The following OTUD3 variants were observed in gnomAD, a reference collection of about 807,000 sequenced individuals.
The protein encoded by OTUD3 is OTU domain-containing protein 3.
In OTUD3, 24 loss-of-function variants were observed where a neutral mutation model predicts 46.2. The observed-to-expected ratio is 0.52, with a 90% confidence interval of 0.38 to 0.73. The LOEUF is 0.73. OTUD3 is among the 30% of genes least tolerant of loss of function. The pLI, the probability that OTUD3 is intolerant of heterozygous loss-of-function variation, is 0.00. For missense variants in OTUD3, 455 were observed against 523.3 expected (o/e 0.87, Z 1.27); for synonymous variants, 189 against 195.4 (o/e 0.97, Z 0.27).
chr1:19,891,460 T>TGATAAAGTGA (rs1466207372), intron 2 of OTUD3, among the ~76,000 whole-genome samples: 2 of 152,238 alleles, frequency 1.3e-5, no homozygotes, highest in African/African-American at 4.8e-5. Flanking sequence ...GGAGAGAGAC[T>TGATAAAGTGA]GATAAAGGAG....
intron 3 of OTUD3, among the ~76,000 whole-genome samples, chr1:19,895,153 C>T (rs2045502838): frequency 6.6e-6 from 1 of 152,146 alleles, no homozygotes; most frequent in African/African-American, 2.4e-5. Context: ...GTATCCATAT[C>T]CACATATATA....
At chr1:19,889,144 AG>A (rs1297994179) in intron 1 of OTUD3, among the ~76,000 whole-genome samples, 1 of 152,242 alleles carries the variant, frequency 6.6e-6, no homozygotes, top group African/African-American at 2.4e-5. Flanking sequence ...GGTTGAAAAA[AG>A]ACTGCCATTG....
rs12403258 is a variant in OTUD3 at position 19,908,860 on chromosome 1, C to G, written c.*1114C>G. ...TTCAAAGTTGGGAAAACTCCAGCAT[C>G]TGCTGGAAGTTGTTGGACCAGCAGG... On this transcript the variant is annotated 3_prime_UTR_variant, in exon 8 of 8. Coordinates refer to ENST00000375120, the MANE Select transcript of OTUD3 (RefSeq NM_015207.2). The G allele has an allele frequency of 0.027, 4,140 of 152,432 alleles. 166 individuals are homozygous for G. Among genetic ancestry groups the G allele is most frequent in the Admixed American group, 0.091 (1,391 of 15,296 alleles). 9.4% of individuals were successfully genotyped at this position (152,432 alleles called of 1,614,324 possible).
At chr1:19,885,166 C>T (rs953357186) in intron 1 of OTUD3, among the ~76,000 whole-genome samples, 3 of 152,062 alleles carry the variant, frequency 2.0e-5, no homozygotes, top group African/African-American at 7.2e-5. Flanking sequence ...GTAGAAGTAA[C>T]GGGCAGTGAA....
intron 3 of OTUD3, among the ~76,000 whole-genome samples, chr1:19,897,284 G>T (rs546826404): frequency 2.6e-5 from 4 of 152,120 alleles, no homozygotes; most frequent in African/African-American, 9.7e-5. Context: ...TAACTTCATC[G>T]CAAGTCTGCC....
At position 19,908,121 on chromosome 1, in the gene OTUD3, C is replaced by A; in HGVS notation, c.*375C>A. On this transcript the variant is annotated 3_prime_UTR_variant, in exon 8 of 8. Transcript: ENST00000375120. ...TGGGGTGAGTTTTGCTGTAATTGTT[C>A]ATGAGTAGTTTAGAATAATTGTTAG... 1 of 165,444 alleles carries A rather than the reference C, an allele frequency of 6.0e-6. No homozygotes were observed. The highest frequency in any genetic ancestry group is 6.1e-5 in the Admixed American group (1 of 16,330). 10.2% of individuals were successfully genotyped at this position (165,444 alleles called of 1,614,324 possible).
At chr1:19,903,040 C>CTTTTTTTTTT (rs36114504) in intron 4 of OTUD3, among the ~76,000 whole-genome samples, 1 of 58,052 alleles carries the variant, frequency 1.7e-5, no homozygotes, top group Non-Finnish European at 3.1e-5. Flanking sequence ...AATCTTTTCT[C>CTTTTTTTTTT]TTTTTTTTTT....
chr1:19,893,316 G>A (rs765296757), intron 2 of OTUD3, among the ~76,000 whole-genome samples: 74 of 152,166 alleles, frequency 4.9e-4, no homozygotes, highest in Admixed American at 3.9e-4. Context: ...CTCACTGAAA[G>A]CTGTCATGCT....
intron 4 of OTUD3, among the ~76,000 whole-genome samples, chr1:19,899,025 G>A (rs1427024289): frequency 6.6e-6 from 1 of 152,092 alleles, no homozygotes; most frequent in Non-Finnish European, 1.5e-5. Context: ...TGCCCAGGCT[G>A]CCCTCCAGCT....
chr1:19,901,909 T>G (rs924411166), intron 4 of OTUD3, among the ~76,000 whole-genome samples: 1 of 152,242 alleles, frequency 6.6e-6, no homozygotes, highest in Non-Finnish European at 1.5e-5. Flanking sequence ...GTGCACCCAT[T>G]CATCTGTTAA....
At chr1:19,902,878 G>A (rs1017295926) in intron 4 of OTUD3, among the ~76,000 whole-genome samples, 2 of 151,974 alleles carry the variant, frequency 1.3e-5, no homozygotes, top group Non-Finnish European at 2.9e-5. Context: ...GTAATAATGG[G>A]GGGAGTGATT....
rs909676025 is a variant in OTUD3, at chr1:19,909,595, G to C, written c.*1849G>C. 2 of 152,358 alleles carry C rather than the reference G, an allele frequency of 1.3e-5. No individual in the cohort carries two copies. The highest frequency in any genetic ancestry group is 4.8e-5 in the African/African-American group (2 of 41,454). The allele number at this position is 152,358 out of a possible 1,614,324, so 9.4% of individuals were successfully genotyped here. A position where few individuals can be genotyped will look rare whatever the true frequency, so the allele number is the denominator to read the frequency against. ...GACTGGCTGAGTGTTTCTGAATGAA[G>C]ATGTTTTCCTGTCTGTTTTGTACTG... On this transcript the variant is annotated 3_prime_UTR_variant, in exon 8 of 8. Coordinates refer to ENST00000375120, the MANE Select transcript of OTUD3 (RefSeq NM_015207.2).
chr1:19,891,139 G>GA (rs2045440553), intron 2 of OTUD3, among the ~76,000 whole-genome samples: 1 of 152,024 alleles, frequency 6.6e-6, no homozygotes, highest in Non-Finnish European at 1.5e-5. Flanking sequence ...TTTAAAATTA[G>GA]AAAAACCAAT....
chr1:19,906,669 C>G, intron 7 of OTUD3, 53 bp downstream of exon 7: 1 of 1,414,330 alleles, frequency 7.1e-7, no homozygotes, highest in Non-Finnish European at 9.6e-7. Flanking sequence ...AATTCTGTGG[C>G]AGTGGTGGTA....
intron 1 of OTUD3, among the ~76,000 whole-genome samples, chr1:19,885,645 G>T (rs531487365): frequency 6.6e-6 from 1 of 152,284 alleles, no homozygotes; most frequent in South Asian, 2.1e-4. Context: ...TAGTAGAGAT[G>T]GGGTTTCACC....
Position 19,906,630 on chromosome 1 carries a change from G to A in OTUD3, c.1020+14G>A. On this transcript the variant is annotated intron_variant, in intron 7 of 7. Coordinates refer to ENST00000375120, the MANE Select transcript of OTUD3 (RefSeq NM_015207.2). Reference sequence around the variant, plus strand: ...CAGCTCGCAAAGGTATGTAAGATGGGGTTGAATGGGCAGGTGGTGGGCAGG... The same window carrying A: ...CAGCTCGCAAAGGTATGTAAGATGGAGTTGAATGGGCAGGTGGTGGGCAGG... 1 of 1,590,198 alleles carries A rather than the reference G, an allele frequency of 6.3e-7. No individual in the cohort carries two copies.
At chr1:19,888,219 C>T (rs746831414) in intron 1 of OTUD3, among the ~76,000 whole-genome samples, 4 of 152,056 alleles carry the variant, frequency 2.6e-5, no homozygotes, top group Non-Finnish European at 5.9e-5. Flanking sequence ...CAGCCTCCCA[C>T]AACAAAAAAA....
chr1:19,912,221 C>A lies in OTUD3; in HGVS notation c.*4475C>A, dbSNP rs1385090266. 6.6e-6 allele frequency: 1 copy of A among 152,356 alleles called. No individual in the cohort carries two copies. The highest frequency in any genetic ancestry group is 6.5e-5 in the Admixed American group (1 of 15,292). 9.4% of individuals were successfully genotyped at this position (152,356 alleles called of 1,614,324 possible). A position where few individuals can be genotyped will look rare whatever the true frequency, so the allele number is the denominator to read the frequency against. On this transcript the variant is annotated 3_prime_UTR_variant, in exon 8 of 8. Transcript: ENST00000375120. ...GACAGACTCTCTGTGGCCTGGCTCT[C>A]ATCCTTGGCGTGTCAGCCTGCGGCA...
intron 3 of OTUD3, among the ~76,000 whole-genome samples, chr1:19,895,862 G>A (rs2045510868): frequency 6.6e-6 from 1 of 152,168 alleles, no homozygotes; most frequent in Non-Finnish European, 1.5e-5. Flanking sequence ...CCCTCACCTT[G>A]AAGGGGAATA....
Sources: allele counts gnomAD v4.1 joint callset (sites outside exome capture counted in the v4.1 genomes callset), GRCh38; gene constraint gnomAD v4.1.1; transcripts MANE v1.5; gene names NCBI Gene and HGNC (gene_info 2026-07-23, HGNC 2026-07-21).